The following DLC1 variants were observed in gnomAD, a reference collection of about 807,000 sequenced individuals.
DLC1 encodes the protein DLC1 Rho GTPase activating protein.
A neutral mutation model predicts 140.3 loss-of-function variants in DLC1; 54 were observed. The ratio of observed to expected loss-of-function variants is 0.38; its 90% confidence interval spans 0.31 to 0.48. DLC1 has a LOEUF of 0.48. DLC1 is among the 20% of genes least tolerant of loss of function. DLC1 has a pLI of 0.96. For synonymous variants in DLC1, 986 were observed against 728.1 expected (o/e 1.35, Z -5.70); for missense variants, 2,536 against 1,907.0 (o/e 1.33, Z -6.14).
At chr8:13,326,037 A>T (rs199615704) in intron 4 of DLC1, among the ~76,000 whole-genome samples, 1 of 4,208 alleles carries the variant, frequency 2.4e-4, no homozygotes, top group African/African-American at 3.4e-4. Flanking sequence ...TTTTTCTTAT[A>T]AAAAAAATAA....
At chr8:13,207,561 T>C (rs1827729801) in intron 5 of DLC1, among the ~76,000 whole-genome samples, 1 of 152,186 alleles carries the variant, frequency 6.6e-6, no homozygotes, top group Non-Finnish European at 1.5e-5. Flanking sequence ...AAAGTTTCTT[T>C]TGGCCCTATT....
chr8:13,163,152 C>T (rs1394600712), intron 5 of DLC1, among the ~76,000 whole-genome samples: 2 of 152,134 alleles, frequency 1.3e-5, no homozygotes, highest in African/African-American at 4.8e-5. Flanking sequence ...ATATATGTTA[C>T]TTGGCTCATA....
intron 5 of DLC1, among the ~76,000 whole-genome samples, chr8:13,294,467 G>C (rs1419527741): frequency 6.6e-6 from 1 of 152,156 alleles, no homozygotes; most frequent in Non-Finnish European, 1.5e-5. Flanking sequence ...ATGTGAGCAG[G>C]AGTTATCATA....
chr8:13,576,971 G>A (rs988382315), intron 1 of DLC1, among the ~76,000 whole-genome samples: 1 of 152,030 alleles, frequency 6.6e-6, no homozygotes, highest in Non-Finnish European at 1.5e-5. Context: ...GAACATATTA[G>A]TAATATCTCT....
intron 5 of DLC1, among the ~76,000 whole-genome samples, chr8:13,245,657 A>G (rs1829734077): frequency 6.6e-6 from 1 of 152,096 alleles, no homozygotes; most frequent in South Asian, 2.1e-4. Flanking sequence ...GAAATTGTTT[A>G]GATAAATGCA....
chr8:13,451,914 G>C (rs1273049084), intron 2 of DLC1, among the ~76,000 whole-genome samples: 2 of 152,128 alleles, frequency 1.3e-5, no homozygotes, highest in Non-Finnish European at 2.9e-5. Flanking sequence ...TCATATGGTA[G>C]CTCTGTTTTT....
Position 13,095,191 on chromosome 8 carries a change from A to G in DLC1, c.3222T>C (p.Ser1074=). 1 of 1,614,028 alleles carries G rather than the reference A, an allele frequency of 6.2e-7. No homozygotes were observed. Among genetic ancestry groups the G allele is most frequent in the Non-Finnish European group, 8.5e-7 (1 of 1,180,000 alleles). ...RIKVPDYKDR[S]VFGVPLTVNV... ...TGACCGTCAGTGGGACCCCAAACAC[A>G]CTCCGGTCCTTGTAGTCTGGAACCT... The change falls in exon 11 of 18, where the codon AGT becomes AGC. Residue 1074 remains serine (S), a synonymous_variant. Coordinates refer to ENST00000276297, the MANE Select transcript of DLC1 (RefSeq NM_182643.3).
At chr8:13,589,933 C>A (rs984448795) in intron 1 of DLC1, among the ~76,000 whole-genome samples, 1 of 151,730 alleles carries the variant, frequency 6.6e-6, no homozygotes, top group African/African-American at 2.4e-5. Context: ...TTCACAGCTG[C>A]TATCTGTGTA....
intron 5 of DLC1, among the ~76,000 whole-genome samples, chr8:13,131,357 T>C (rs1387930942): frequency 6.6e-6 from 1 of 151,988 alleles, no homozygotes; most frequent in African/African-American, 2.4e-5. Flanking sequence ...AAAAAAAAAA[T>C]GTAATCTGAG....
At chr8:13,301,462 AAAGAC>A (rs1235844003) in intron 5 of DLC1, among the ~76,000 whole-genome samples, 2 of 152,172 alleles carry the variant, frequency 1.3e-5, no homozygotes, top group African/African-American at 4.8e-5. Flanking sequence ...AATTATCATA[AAAGAC>A]AGCTACCATT....
At position 13,459,789 on chromosome 8, in the gene DLC1, T is replaced by G. The variant is rs186148389; in HGVS notation, c.1023+39260A>C. On this transcript the variant is annotated intron_variant, in intron 2 of 17. Coordinates refer to ENST00000276297, the MANE Select transcript of DLC1 (RefSeq NM_182643.3). ...GAAATGTTATGGAAAAACTGCTTCC[T>G]GTGAATAAGCATAATAAAACTTGAA... 1.4e-3 allele frequency among the ~76,000 whole-genome samples: 212 copies of G among 152,362 alleles called. 3 individuals carry two copies. The highest frequency in any genetic ancestry group is 4.8e-3 in the African/African-American group (201 of 41,588).
At chr8:13,518,388 C>T (rs943685934), upstream of DLC1, among the ~76,000 whole-genome samples, 10 of 152,128 alleles carry the variant, frequency 6.6e-5, no homozygotes, top group Non-Finnish European at 1.2e-4. Context: ...GGTTTAGAGG[C>T]GTGAGCCACT....
intron 4 of DLC1, among the ~76,000 whole-genome samples, chr8:13,380,690 C>T (rs951983188): frequency 2.6e-5 from 4 of 152,196 alleles, no homozygotes; most frequent in East Asian, 3.9e-4. Flanking sequence ...ATAATCACAG[C>T]TCAGGACACA....
chr8:13,475,277 G>T (rs905354654), intron 2 of DLC1, among the ~76,000 whole-genome samples: 3 of 152,090 alleles, frequency 2.0e-5, no homozygotes, highest in East Asian at 3.8e-4. Flanking sequence ...TGTTCCCTAC[G>T]ATATAGCACA....
intron 1 of DLC1, among the ~76,000 whole-genome samples, chr8:13,523,737 C>T (rs542187752): frequency 6.6e-6 from 1 of 152,098 alleles, no homozygotes; most frequent in East Asian, 1.9e-4. Context: ...AAATTGAAAG[C>T]CAAGATTGGA....
At chr8:13,463,594 A>G (rs962147422) in intron 2 of DLC1, among the ~76,000 whole-genome samples, 2 of 152,350 alleles carry the variant, frequency 1.3e-5, no homozygotes, top group African/African-American at 4.8e-5. Flanking sequence ...AAGATTTCTC[A>G]TAAAATAGAC....
At chr8:13,358,443 G>C (rs1835051268) in intron 4 of DLC1, among the ~76,000 whole-genome samples, 1 of 152,144 alleles carries the variant, frequency 6.6e-6, no homozygotes, top group Admixed American at 6.5e-5. Flanking sequence ...AAAAGTGCTT[G>C]ATTACTCTGG....
At chr8:13,154,823 GA>G (rs1824124810) in intron 5 of DLC1, among the ~76,000 whole-genome samples, 1 of 148,858 alleles carries the variant, frequency 6.7e-6, no homozygotes, top group Non-Finnish European at 1.5e-5. Flanking sequence ...AGAAAAAATA[GA>G]AAAACGACTC....
chr8:13,163,407 G>C (rs1028124425), intron 5 of DLC1, among the ~76,000 whole-genome samples: 4 of 152,102 alleles, frequency 2.6e-5, no homozygotes, highest in African/African-American at 9.7e-5. Context: ...TTTGAAAATG[G>C]TTGGGAGGCT....
Sources: allele counts gnomAD v4.1 joint callset (sites outside exome capture counted in the v4.1 genomes callset), GRCh38; gene constraint gnomAD v4.1.1; transcripts MANE v1.5; gene names NCBI Gene and HGNC (gene_info 2026-07-23, HGNC 2026-07-21).